Variants in YAE1 observed in about 807,000 individuals in gnomAD.
The protein encoded by YAE1 is YAE1 maturation factor of ABCE1.
YAE1 carries 22 observed loss-of-function variants against 23.0 expected under a neutral mutation model. That is an observed-to-expected ratio of 0.96 (90% CI 0.68 to 1.37). YAE1 has a LOEUF of 1.37. Ranked by LOEUF, YAE1 falls within the 40% of genes most tolerant of loss-of-function variation. The pLI, the probability that YAE1 is intolerant of heterozygous loss-of-function variation, is 0.00. For synonymous variants in YAE1, 101 were observed against 97.0 expected, an observed-to-expected ratio of 1.04 and a Z score of -0.24; for missense variants, 260 against 262.1, an observed-to-expected ratio of 0.99 and a Z score of 0.06.
At chr7:39,599,095 C>T (rs1222713303) in intron 2 of YAE1, among the ~76,000 whole-genome samples, 35 of 151,738 alleles carry the variant, frequency 2.3e-4, no homozygotes, top group Admixed American at 2.3e-3. Context: ...CAAAAACTGG[C>T]GAGGCGAGGT....
rs144153845 is a variant in YAE1 at position 39,606,841 on chromosome 7, G to C, written c.252-2776G>C. Among the ~76,000 whole-genome samples, 9 of 152,266 alleles carry C rather than the reference G, an allele frequency of 5.9e-5. No homozygotes were observed. In the East Asian group the frequency reaches 1.2e-3, roughly 20 times the overall value. ...GCAGAATATAATCATTTTGTAAACT[G>C]TATTGAGCTTTAAAAATATATACTT... On this transcript the variant is annotated intron_variant, in intron 2 of 2. Coordinates refer to the YAE1 transcript ENST00000432096.
At chr7:39,580,388 T>C (rs769541465) in intron 2 of YAE1, among the ~76,000 whole-genome samples, 19 of 152,360 alleles carry the variant, frequency 1.2e-4, no homozygotes, top group Non-Finnish European at 2.6e-4. Context: ...GTCCTCAGTG[T>C]GTAACACTCC....
chr7:39,588,552 C>A (rs1309932563), intron 2 of YAE1, among the ~76,000 whole-genome samples: 1 of 151,780 alleles, frequency 6.6e-6, no homozygotes, highest in East Asian at 1.9e-4. Flanking sequence ...GAGCTACCCC[C>A]CACACACTGC....
intron 2 of YAE1, among the ~76,000 whole-genome samples, chr7:39,596,148 G>A (rs1324448527): frequency 1.3e-5 from 2 of 152,146 alleles, no homozygotes; most frequent in Non-Finnish European, 1.5e-5. Flanking sequence ...CAGTTGAAAA[G>A]TAACAAAATA....
intron 2 of YAE1, among the ~76,000 whole-genome samples, chr7:39,587,633 T>C (rs1790839617): frequency 6.6e-6 from 1 of 152,158 alleles, no homozygotes; most frequent in Non-Finnish European, 1.5e-5. Context: ...ATCTGCCACA[T>C]CCCCTGCTTT....
At chr7:39,609,711 G>C in exon 3 of YAE1, 2 of 1,535,622 alleles carry the variant, frequency 1.3e-6, no homozygotes, top group Non-Finnish European at 1.7e-6. Context: ...CCCGGTCCCC[G>C]GCCACATGGC....
intron 1 of YAE1, chr7:39,569,353 A>T: frequency 2.8e-6 from 1 of 355,888 alleles, no homozygotes; most frequent in East Asian, 7.0e-5. Flanking sequence ...TATCAAAATC[A>T]TGATATTAAG....
At chr7:39,595,374 A>T (rs1363877098) in intron 2 of YAE1, among the ~76,000 whole-genome samples, 1 of 152,066 alleles carries the variant, frequency 6.6e-6, no homozygotes, top group African/African-American at 2.4e-5. Context: ...TTGAGTTCAC[A>T]TCCAGTGTCA....
chr7:39,584,394 C>T (rs534315180), intron 2 of YAE1, among the ~76,000 whole-genome samples: 1 of 152,102 alleles, frequency 6.6e-6, no homozygotes, highest in South Asian at 2.1e-4. Flanking sequence ...AAAAGAATTG[C>T]CCTGCATCCT....
intron 2 of YAE1, among the ~76,000 whole-genome samples, chr7:39,597,111 A>T (rs1790986447): frequency 6.6e-6 from 1 of 152,260 alleles, no homozygotes; most frequent in Non-Finnish European, 1.5e-5. Flanking sequence ...AAAGGAAATC[A>T]TTTTTGAACT....
chr7:39,592,398 A>T (rs564617494), intron 2 of YAE1, among the ~76,000 whole-genome samples: 39 of 152,216 alleles, frequency 2.6e-4, no homozygotes, highest in South Asian at 2.5e-3. Flanking sequence ...TTCCTTAGGG[A>T]TATTTTTGCT....
intron 2 of YAE1, among the ~76,000 whole-genome samples, chr7:39,602,559 T>C (rs1288578500): frequency 1.3e-5 from 2 of 152,222 alleles, no homozygotes; most frequent in African/African-American, 2.4e-5. Context: ...TTGTCTATCA[T>C]AGAAAAAAAT....
downstream of YAE1, among the ~76,000 whole-genome samples, chr7:39,575,569 AG>A (rs1562590529): frequency 4.2e-5 from 4 of 95,034 alleles, no homozygotes; most frequent in African/African-American, 2.9e-4. Context: ...AGAGAGAGAG[AG>A]AGAGAGAGTG....
At chr7:39,574,733 CAAAAAAAAAAAAAA>C (rs574580885), downstream of YAE1, among the ~76,000 whole-genome samples, 1 of 78,080 alleles carries the variant, frequency 1.3e-5, no homozygotes. Flanking sequence ...ACTCTGTCTC[CAAAAAAAAAAAAAA>C]AAAAAAAATC....
chr7:39,572,800 C>A lies in YAE1; in HGVS notation c.*94C>A. 6.8e-7 allele frequency: 1 copy of A among 1,472,734 alleles called. No individual in the cohort carries two copies. Among genetic ancestry groups the A allele is most frequent in the East Asian group, 2.4e-5 (1 of 41,576 alleles). 91.2% of individuals were successfully genotyped at this position (1,472,734 alleles called of 1,614,324 possible). A position where few individuals can be genotyped will look rare whatever the true frequency, so the allele number is the denominator to read the frequency against. ...CTGGTTTCTGCATCAAACACCTCAA[C>A]TGTAGGGTTACCCTTTATGGAAGTT... On this transcript the variant is annotated 3_prime_UTR_variant, in exon 3 of 3. Coordinates refer to ENST00000223273, the MANE Select transcript of YAE1 (RefSeq NM_020192.5).
At chr7:39,571,267 TTC>T (rs1292361041) in intron 2 of YAE1, among the ~76,000 whole-genome samples, 2 of 145,932 alleles carry the variant, frequency 1.4e-5, no homozygotes, top group East Asian at 2.0e-4. Context: ...ATGATATTTT[TTC>T]TTTTTTCTTT....
chr7:39,566,632 G>C, intron 1 of YAE1, 85 bp downstream of exon 1: 1 of 1,559,038 alleles, frequency 6.4e-7, no homozygotes, highest in South Asian at 1.2e-5. Flanking sequence ...AGTGGCCCCA[G>C]CCTGGCCCGG....
chr7:39,585,476 G>A (rs73377370), intron 2 of YAE1, among the ~76,000 whole-genome samples: 7,594 of 152,052 alleles, frequency 0.05, 622 homozygotes, highest in African/African-American at 0.17. Flanking sequence ...CAAGGAGAGG[G>A]GCCTCAGAAA....
At chr7:39,575,564 G>C (rs987131970), downstream of YAE1, among the ~76,000 whole-genome samples, 4 of 112,582 alleles carry the variant, frequency 3.6e-5, no homozygotes, top group African/African-American at 1.9e-4. Flanking sequence ...GAGAGAGAGA[G>C]AGAGAGAGAG....
Sources: gnomAD v4.1 joint callset for allele counts (sites outside exome capture counted in the v4.1 genomes callset) on GRCh38, gnomAD v4.1.1 for gene constraint, MANE v1.5 for transcripts, NCBI Gene and HGNC (gene_info 2026-07-23, HGNC 2026-07-21) for gene names.